The following L2HGDH variants were observed in gnomAD, a reference collection of about 807,000 sequenced individuals.
The protein encoded by L2HGDH is L-2-hydroxyglutarate dehydrogenase, also known as L-2-hydroxyglutarate dehydrogenase, mitochondrial.
Under a neutral mutation model 51.5 loss-of-function variants are expected in L2HGDH, and 34 were observed. The ratio of observed to expected loss-of-function variants is 0.66; its 90% CI spans 0.50 to 0.88. The LOEUF is 0.88. L2HGDH is among the 40% of genes least tolerant of loss of function. The pLI, the probability that L2HGDH is intolerant of heterozygous loss-of-function variation, is 0.00. For missense variants in L2HGDH, 558 were observed against 571.9 expected (o/e 0.98, Z 0.25); for synonymous variants, 198 against 197.9 (o/e 1.00, Z -0.01).
In L2HGDH at chr14:50,244,410, AT is replaced by A. The variant is rs1196271232; in HGVS notation, c.*2647del. ...GAGGACTGCTTCAATTAGGACAATC[AT>A]TTTTTGTAATTCAATGTTTACAACT... On this transcript the variant is annotated 3_prime_UTR_variant, in exon 10 of 10. Coordinates refer to ENST00000267436, the MANE Select transcript of L2HGDH (RefSeq NM_024884.3). 11 of 985,246 alleles carry A rather than the reference AT, an allele frequency of 1.1e-5. No homozygotes were observed. The highest frequency in any genetic ancestry group is 1.2e-5 in the Non-Finnish European group (10 of 829,896). The allele number at this position is 985,246 out of a possible 1,614,324, so 61.0% of individuals were successfully genotyped here.
chr14:50,293,089 G>T, intron 4 of L2HGDH: 1 of 613,816 alleles, frequency 1.6e-6, no homozygotes, highest in Admixed American at 2.6e-5. Flanking sequence ...CTCTAGCCTG[G>T]GTGACAGAGT....
At chr14:50,301,001 T>C (rs575558290) in intron 3 of L2HGDH, among the ~76,000 whole-genome samples, 3 of 152,220 alleles carry the variant, frequency 2.0e-5, no homozygotes, top group African/African-American at 4.8e-5. Flanking sequence ...ACTTTTTAAA[T>C]TTTTTGTAGA....
chr14:50,288,503 T>G (rs141249078), intron 4 of L2HGDH, among the ~76,000 whole-genome samples: 7 of 152,306 alleles, frequency 4.6e-5, no homozygotes, highest in African/African-American at 7.2e-5. Flanking sequence ...CGATCTCAGC[T>G]CACCAAAACC....
chr14:50,312,195 T>C lies in L2HGDH; in HGVS notation c.-45A>G. ...CCCTCAGCGCTCAGAAGAAGCCACT[T>C]GACCCTCCACGGCCGAGGACCCGCG... On this transcript the variant is annotated 5_prime_UTR_variant, in exon 1 of 10. Transcript: ENST00000267436. 1 of 1,604,212 alleles carries C rather than the reference T, an allele frequency of 6.2e-7. No homozygotes were observed. The highest frequency in any genetic ancestry group is 8.5e-7 in the Non-Finnish European group (1 of 1,178,192).
intron 4 of L2HGDH, among the ~76,000 whole-genome samples, chr14:50,284,828 A>G (rs964681728): frequency 2.9e-4 from 44 of 152,252 alleles, no homozygotes; most frequent in African/African-American, 9.9e-4. Context: ...TCATTTGGCC[A>G]GCACAGCATT....
intron 9 of L2HGDH, among the ~76,000 whole-genome samples, chr14:50,253,757 A>G (rs1888497001): frequency 6.6e-6 from 1 of 152,136 alleles, no homozygotes; most frequent in Non-Finnish European, 1.5e-5. Context: ...CAGTATTCAC[A>G]ATAGCCAAGG....
rs188958794 is a variant in L2HGDH, at chr14:50,306,585, T to C, written c.141-3568A>G. Among the ~76,000 whole-genome samples, 205 of 131,100 alleles carry C rather than the reference T, an allele frequency of 1.6e-3. 1 individual carries two copies. Among genetic ancestry groups the C allele is most frequent in the African/African-American group, 5.7e-3 (191 of 33,574 alleles). 86.0% of individuals were successfully genotyped at this position (131,100 alleles called of 152,430 possible). A position where few individuals can be genotyped will look rare whatever the true frequency, so the allele number is the denominator to read the frequency against. ...GCTGCCTTTTGTTTTTTTTGGGGGGTTTTTTTGTTTTGGGGTTTTTTTTTT... is the reference window on the plus strand; with the variant it reads ...GCTGCCTTTTGTTTTTTTTGGGGGGCTTTTTTGTTTTGGGGTTTTTTTTTT... On this transcript the variant is annotated intron_variant, in intron 1 of 9. Transcript: ENST00000267436.
At chr14:50,269,124 G>T in intron 7 of L2HGDH, 39 bp downstream of exon 7, 34 of 1,524,962 alleles carry the variant, frequency 2.2e-5, no homozygotes, top group Non-Finnish European at 2.7e-5. Context: ...ACCACCACCT[G>T]CTTGAAAAAA....
In L2HGDH at chr14:50,312,202, C is replaced by A; in HGVS notation, c.-52G>T. Reference sequence around the variant, plus strand: ...CGCTCAGAAGAAGCCACTTGACCCTCCACGGCCGAGGACCCGCGCTCTTTA... The same window carrying A: ...CGCTCAGAAGAAGCCACTTGACCCTACACGGCCGAGGACCCGCGCTCTTTA... On this transcript the variant is annotated 5_prime_UTR_variant, in exon 1 of 10. Transcript: ENST00000267436. 6 of 1,600,042 alleles carry A rather than the reference C, an allele frequency of 3.7e-6. No individual in the cohort carries two copies. The highest frequency in any genetic ancestry group is 5.1e-6 in the Non-Finnish European group (6 of 1,176,700).
chr14:50,305,818 T>C (rs1265608578), intron 1 of L2HGDH, among the ~76,000 whole-genome samples: 2 of 152,326 alleles, frequency 1.3e-5, no homozygotes, highest in Middle Eastern at 3.4e-3. Context: ...AAGTCTTGTA[T>C]ACGAAATGGC....
At chr14:50,257,248 T>C (rs1341168991) in intron 9 of L2HGDH, among the ~76,000 whole-genome samples, 1 of 152,104 alleles carries the variant, frequency 6.6e-6, no homozygotes, top group Non-Finnish European at 1.5e-5. Context: ...TTAATTTCTA[T>C]GGATACATCT....
chr14:50,294,701 A>G (rs1050228568), intron 3 of L2HGDH, among the ~76,000 whole-genome samples: 1 of 152,254 alleles, frequency 6.6e-6, no homozygotes, highest in Non-Finnish European at 1.5e-5. Flanking sequence ...GTGATGGAAC[A>G]TAACTGACAA....
At chr14:50,301,579 T>C (rs935684841) in intron 3 of L2HGDH, among the ~76,000 whole-genome samples, 3 of 152,178 alleles carry the variant, frequency 2.0e-5, no homozygotes, top group Admixed American at 6.5e-5. Context: ...AAAGACTACA[T>C]AGTATATGAA....
chr14:50,263,637 T>C lies in L2HGDH; in HGVS notation c.1196+1721A>G, dbSNP rs73275121. Among the ~76,000 whole-genome samples, 730 of 152,238 alleles carry C rather than the reference T, an allele frequency of 4.8e-3. 6 individuals carry two copies. The highest frequency in any genetic ancestry group is 0.017 in the African/African-American group (692 of 41,528). ...AATGGAGGGTGAGAGTACCTCAAAG[T>C]ACACTGCTGATTAGGCCTAACGAAT... On this transcript the variant is annotated intron_variant, in intron 9 of 9. Transcript: ENST00000267436.
chr14:50,281,733 G>A (rs774048595), intron 5 of L2HGDH, among the ~76,000 whole-genome samples: 1 of 152,092 alleles, frequency 6.6e-6, no homozygotes, highest in African/African-American at 2.4e-5. Flanking sequence ...ATTCCTGGTT[G>A]TTCAAACTAG....
intron 1 of L2HGDH, among the ~76,000 whole-genome samples, chr14:50,306,239 C>T (rs965221797): frequency 5.3e-5 from 8 of 151,750 alleles, no homozygotes; most frequent in African/African-American, 1.2e-4. Context: ...TTAGTAGAGA[C>T]GGGGTTTCAC....
At position 50,250,636 on chromosome 14, in the gene L2HGDH, C is replaced by T. The variant is rs545572738; in HGVS notation, c.1197-3383G>A. 2.6e-5 allele frequency among the ~76,000 whole-genome samples: 4 copies of T among 152,304 alleles called. No individual in the cohort carries two copies. The South Asian group carries it at 8.3e-4, about 32-fold the overall frequency. ...GGCTTCAGGTCTGACCCAGTGCAGT[C>T]CCAGTGGTGGTGGCCACAGGAGTGC... On this transcript the variant is annotated intron_variant, in intron 9 of 9. Transcript: ENST00000267436.
Position 50,245,717 on chromosome 14 carries a change from T to C in L2HGDH, c.*1341A>G, listed in dbSNP as rs769350454. 2.7e-5 allele frequency: 27 copies of C among 985,050 alleles called. No individual in the cohort carries two copies. The highest frequency in any genetic ancestry group is 2.9e-5 in the Non-Finnish European group (24 of 829,704). The allele number at this position is 985,050 out of a possible 1,614,324, so 61.0% of individuals were successfully genotyped here. On this transcript the variant is annotated 3_prime_UTR_variant, in exon 10 of 10. Coordinates refer to ENST00000267436, the MANE Select transcript of L2HGDH (RefSeq NM_024884.3). ...CAAACGAGCTTAGGTAGCGTAATGC[T>C]AAAAAATTGATTTAAGGAAATAATC...
At chr14:50,308,388 G>GA (rs71118865) in intron 1 of L2HGDH, among the ~76,000 whole-genome samples, 20,242 of 131,070 alleles carry the variant, frequency 0.15, 1,889 homozygotes, top group African/African-American at 0.27. Flanking sequence ...CTCCATCTCA[G>GA]AAAAAAAAAA....
Sources: allele counts gnomAD v4.1 joint callset (sites outside exome capture counted in the v4.1 genomes callset), GRCh38; gene constraint gnomAD v4.1.1; transcripts MANE v1.5; gene names NCBI Gene and HGNC (gene_info 2026-07-23, HGNC 2026-07-21).